The following NECTIN1 variants were observed in gnomAD, a reference collection of about 807,000 sequenced individuals.
The protein encoded by NECTIN1 is nectin-1.
In NECTIN1, 23 loss-of-function variants were observed where a neutral mutation model predicts 48.0. The ratio of observed to expected loss-of-function variants is 0.48; its 90% CI spans 0.34 to 0.68. NECTIN1 has a LOEUF of 0.68. NECTIN1 is among the 30% of genes least tolerant of loss of function. The probability of loss-of-function intolerance (pLI) is 0.01; values close to 1 mark genes in which losing one functional copy is unlikely to be tolerated. For missense variants in NECTIN1, 591 were observed against 709.9 expected, an observed-to-expected ratio of 0.83 and a Z score of 1.90; for synonymous variants, 270 against 288.9, an observed-to-expected ratio of 0.93 and a Z score of 0.66.
chr11:119,657,320 A>C (rs764394975), downstream of NECTIN1, among the ~76,000 whole-genome samples: 7 of 152,122 alleles, frequency 4.6e-5, no homozygotes, highest in Non-Finnish European at 1.0e-4. Context: ...GCTTATTAAA[A>C]ATACGCCTGT....
chr11:119,639,599 C>G, intron 6 of NECTIN1: 1 of 540,470 alleles, frequency 1.9e-6, no homozygotes. Flanking sequence ...GGATGGTAAT[C>G]ATGCACCTGC....
intron 1 of NECTIN1, among the ~76,000 whole-genome samples, chr11:119,702,903 C>T (rs1012663927): frequency 7.9e-5 from 12 of 152,150 alleles, no homozygotes; most frequent in South Asian, 2.1e-4. Flanking sequence ...ATTCATTCTT[C>T]GTGCCTTGAG....
intron 1 of NECTIN1, among the ~76,000 whole-genome samples, chr11:119,682,803 G>GA (rs34076768): frequency 8.5e-5 from 13 of 152,050 alleles, no homozygotes; most frequent in African/African-American, 2.7e-4. Context: ...TCCCTCCCTG[G>GA]AACTTCATTC....
chr11:119,677,368 G>A lies in NECTIN1; in HGVS notation c.734-149C>T. The A allele has an allele frequency of 9.8e-7, 1 of 1,018,852 alleles. No homozygotes were observed. Among genetic ancestry groups the A allele is most frequent in the South Asian group, 1.3e-5 (1 of 76,770 alleles). 63.1% of individuals were successfully genotyped at this position (1,018,852 alleles called of 1,614,324 possible). A position where few individuals can be genotyped will look rare whatever the true frequency, so the allele number is the denominator to read the frequency against. The stretch of plus-strand genomic sequence containing the variant: ...TGGGTGGGAGGGTGGCAATCACAGA[G>A]CCCGGGAGTGGAAACAGGAGGGCGA... On this transcript the variant is annotated intron_variant, in intron 3 of 5. Coordinates refer to ENST00000264025, the MANE Select transcript of NECTIN1 (RefSeq NM_002855.5). The surrounding 1 kb of genome is among the most constrained non-coding windows in gnomAD (Gnocchi z 5.4).
At chr11:119,710,844 C>T (rs957484704) in intron 1 of NECTIN1, among the ~76,000 whole-genome samples, 5 of 152,084 alleles carry the variant, frequency 3.3e-5, no homozygotes, top group Admixed American at 6.5e-5. Flanking sequence ...CACAAAGAAC[C>T]GTGCCATCAC....
intron 5 of NECTIN1, chr11:119,674,447 T>C (rs2135548964): frequency 6.3e-7 from 1 of 1,591,938 alleles, no homozygotes; most frequent in Non-Finnish European, 8.6e-7. Context: ...GGTGCTTGAC[T>C]TACATCACGT....
At chr11:119,657,331 T>C (rs1022359788), downstream of NECTIN1, among the ~76,000 whole-genome samples, 7 of 152,070 alleles carry the variant, frequency 4.6e-5, no homozygotes, top group African/African-American at 9.7e-5. Flanking sequence ...ATACGCCTGT[T>C]AGGGCCAGGT....
chr11:119,714,249 G>A (rs1490188295), intron 1 of NECTIN1, among the ~76,000 whole-genome samples: 1 of 152,114 alleles, frequency 6.6e-6, no homozygotes, highest in African/African-American at 2.4e-5. Context: ...GGTGGCCCCT[G>A]GACTTCCAAC....
exon 8 of NECTIN1, chr11:119,638,107 C>T (rs754828237): frequency 4.5e-5 from 73 of 1,612,518 alleles, no homozygotes; most frequent in South Asian, 2.5e-4. Context: ...GCTAGGGGCA[C>T]TCTCCTCGAG....
intron 5 of NECTIN1, among the ~76,000 whole-genome samples, chr11:119,650,705 A>G (rs1470996656): frequency 3.9e-5 from 6 of 152,160 alleles, no homozygotes; most frequent in African/African-American, 7.2e-5. Flanking sequence ...CCAGCTCCTC[A>G]GTGGCTAACT....
chr11:119,691,721 C>G (rs1003504151), intron 1 of NECTIN1, among the ~76,000 whole-genome samples: 3 of 152,220 alleles, frequency 2.0e-5, no homozygotes, highest in Non-Finnish European at 1.5e-5. Flanking sequence ...CGAAACCCAG[C>G]CTTTTCACCT....
chr11:119,713,701 C>G, intron 1 of NECTIN1: 1 of 370,728 alleles, frequency 2.7e-6, no homozygotes, highest in Non-Finnish European at 5.4e-6. Flanking sequence ...GGGCAGGAAG[C>G]TTGGCCTGGA....
intron 1 of NECTIN1, among the ~76,000 whole-genome samples, chr11:119,708,948 G>A (rs953850424): frequency 2.6e-5 from 4 of 152,048 alleles, no homozygotes; most frequent in Non-Finnish European, 4.4e-5. Context: ...GTCTTCTGAA[G>A]TCCAAGACTC....
Position 119,727,587 on chromosome 11 carries a change from C to T in NECTIN1, c.79+888G>A, listed in dbSNP as rs1332671111. Among the ~76,000 whole-genome samples, 1 of 152,190 alleles carries T rather than the reference C, an allele frequency of 6.6e-6. No individual in the cohort carries two copies. Among genetic ancestry groups the T allele is most frequent in the Non-Finnish European group, 1.5e-5 (1 of 68,024 alleles). Reference sequence around the variant, plus strand: ...GGATTTGCCTCCTAAACGCATTTTCCAGTTCATTCCCCAGCACAATATGCC... The same window carrying T: ...GGATTTGCCTCCTAAACGCATTTTCTAGTTCATTCCCCAGCACAATATGCC... On this transcript the variant is annotated intron_variant, in intron 1 of 5. Transcript: ENST00000264025. This position sits in a 1 kb window ranked among gnomAD's most constrained non-coding sequence, Gnocchi z 4.1.
Position 119,661,464 on chromosome 11 carries a change from C to G in NECTIN1, c.*3283G>C. 1 of 985,936 alleles carries G rather than the reference C, an allele frequency of 1.0e-6. No individual in the cohort carries two copies. The highest frequency in any genetic ancestry group is 1.2e-6 in the Non-Finnish European group (1 of 830,018). The allele number at this position is 985,936 out of a possible 1,614,324, so 61.1% of individuals were successfully genotyped here. A position where few individuals can be genotyped will look rare whatever the true frequency, so the allele number is the denominator to read the frequency against. On this transcript the variant is annotated 3_prime_UTR_variant, in exon 6 of 6. Transcript: ENST00000264025. ...CTGGGGCACACCCACCTGCCCCTCACTAGGAGAGGGTTTCTGTTGGCAGTC... is the reference window on the plus strand; with the variant it reads ...CTGGGGCACACCCACCTGCCCCTCAGTAGGAGAGGGTTTCTGTTGGCAGTC...
At chr11:119,655,736 G>A (rs1257394691) in intron 5 of NECTIN1, among the ~76,000 whole-genome samples, 2 of 152,164 alleles carry the variant, frequency 1.3e-5, no homozygotes, top group Non-Finnish European at 2.9e-5. Flanking sequence ...TGGGTGAAGC[G>A]TAGGGGAGGG....
intron 1 of NECTIN1, among the ~76,000 whole-genome samples, chr11:119,688,410 C>T (rs140828804): frequency 0.015 from 2,290 of 151,852 alleles, 77 homozygotes; most frequent in African/African-American, 0.052. Flanking sequence ...CCCCAGGGCA[C>T]GAATGAACTC....
chr11:119,647,930 G>C (rs1022862043), intron 5 of NECTIN1, among the ~76,000 whole-genome samples: 1 of 151,844 alleles, frequency 6.6e-6, no homozygotes, highest in Admixed American at 6.6e-5. Flanking sequence ...CAGGCATGGT[G>C]GTGGGTGCCT....
rs951535828 is a variant in NECTIN1, at chr11:119,673,304, C to T, written c.1003+1855G>A. The stretch of plus-strand genomic sequence containing the variant: ...CTTCCGAGAGAGGCCAGCCGCTCAG[C>T]GCCTGGGCCTATCAATGATTCAGTG... On this transcript the variant is annotated intron_variant, in intron 5 of 5. Coordinates refer to ENST00000264025, the MANE Select transcript of NECTIN1 (RefSeq NM_002855.5). This position sits in a 1 kb window ranked among gnomAD's most constrained non-coding sequence, Gnocchi z 5.8. Among the ~76,000 whole-genome samples, 4 of 152,136 alleles carry T rather than the reference C, an allele frequency of 2.6e-5. No individual in the cohort carries two copies. The highest frequency in any genetic ancestry group is 2.9e-5 in the Non-Finnish European group (2 of 68,030).
Sources: gnomAD v4.1 joint callset for allele counts (sites outside exome capture counted in the v4.1 genomes callset) on GRCh38, gnomAD v4.1.1 for gene constraint, Gnocchi (gnomAD v3.1) non-coding constraint, MANE v1.5 for transcripts, NCBI Gene and HGNC (gene_info 2026-07-23, HGNC 2026-07-21) for gene names.